PRKN: variants seen among roughly 807,000 people sequenced by gnomAD.
PRKN encodes E3 ubiquitin-protein ligase parkin.
In PRKN, 56 loss-of-function variants were observed where a neutral mutation model predicts 59.5. The observed-to-expected ratio is 0.94, with a 90% CI of 0.76 to 1.18. The LOEUF (loss-of-function observed/expected upper bound fraction) is 1.18. PRKN is among the 50% of genes most tolerant of loss of function. The pLI is 0.00. For missense variants in PRKN, 657 were observed against 596.4 expected, an observed-to-expected ratio of 1.10 and a Z score of -1.06; for synonymous variants, 250 against 222.1, an observed-to-expected ratio of 1.13 and a Z score of -1.12.
At chr6:161,954,903 CCTTT>C (rs1292478363) in intron 6 of PRKN, among the ~76,000 whole-genome samples, 1 of 152,160 alleles carries the variant, frequency 6.6e-6, no homozygotes, top group Non-Finnish European at 1.5e-5. Flanking sequence ...TTTCTTCCTT[CCTTT>C]ATCAAAATCC....
chr6:162,096,542 T>C (rs1779740560), intron 4 of PRKN, among the ~76,000 whole-genome samples: 1 of 152,186 alleles, frequency 6.6e-6, no homozygotes, highest in East Asian at 1.9e-4. Context: ...TTCCCACATG[T>C]TGTGGGAGGC....
intron 9 of PRKN, among the ~76,000 whole-genome samples, chr6:161,412,633 C>T (rs1787636835): frequency 6.6e-6 from 1 of 150,764 alleles, no homozygotes; most frequent in Admixed American, 6.6e-5. Context: ...CATTCCTCGG[C>T]TCACTCATTC....
chr6:162,591,789 GTAAGTAATAATAATCCTTTGTAA>G (rs1781317173), intron 1 of PRKN, among the ~76,000 whole-genome samples: 1 of 150,328 alleles, frequency 6.7e-6, no homozygotes, highest in African/African-American at 2.5e-5. Context: ...TGTGAAATAA[GTAAGTAATAATAATCCTTTGTAA>G]TAATAATAAT....
intron 6 of PRKN, among the ~76,000 whole-genome samples, chr6:161,807,084 A>C (rs78687966): frequency 5.2e-4 from 79 of 152,306 alleles, no homozygotes; most frequent in African/African-American, 1.8e-3. Context: ...AAATGATTTC[A>C]TGTTTTTCTC....
intron 1 of PRKN, among the ~76,000 whole-genome samples, chr6:162,634,811 A>G (rs1371899686): frequency 6.6e-6 from 1 of 152,124 alleles, no homozygotes; most frequent in East Asian, 1.9e-4. Context: ...TTTAGTAGAG[A>G]CGGGGTTTCA....
At chr6:161,614,431 G>A (rs1022226979) in intron 7 of PRKN, among the ~76,000 whole-genome samples, 5 of 152,176 alleles carry the variant, frequency 3.3e-5, no homozygotes, top group Non-Finnish European at 7.4e-5. Context: ...TTTAAACAAA[G>A]CTAGAAAAGG....
intron 9 of PRKN, among the ~76,000 whole-genome samples, chr6:161,455,325 C>T (rs1688936808): frequency 6.6e-6 from 1 of 152,122 alleles, no homozygotes; most frequent in Non-Finnish European, 1.5e-5. Flanking sequence ...ATGTGAGCCA[C>T]CACGCCCGGC....
At chr6:161,906,226 C>T (rs1469677802) in intron 6 of PRKN, among the ~76,000 whole-genome samples, 2 of 152,124 alleles carry the variant, frequency 1.3e-5, no homozygotes, top group African/African-American at 4.8e-5. Flanking sequence ...ATAATAATAT[C>T]ATGGTATATT....
intron 6 of PRKN, among the ~76,000 whole-genome samples, chr6:161,798,133 G>T (rs921289522): frequency 6.6e-6 from 1 of 152,138 alleles, no homozygotes; most frequent in African/African-American, 2.4e-5. Flanking sequence ...CTCAGGAGGC[G>T]GAGGTTGCAG....
Position 161,529,599 on chromosome 6 carries a change from TGGACGAA to T in PRKN, c.1083+19248_1083+19254del, listed in dbSNP as rs1251826512. Among the ~76,000 whole-genome samples, 1 of 152,236 alleles carries T rather than the reference TGGACGAA, an allele frequency of 6.6e-6. No homozygotes were observed. Among genetic ancestry groups the T allele is most frequent in the Non-Finnish European group, 1.5e-5 (1 of 68,048 alleles). On this transcript the variant is annotated intron_variant, in intron 9 of 11. Transcript: ENST00000366898. This position sits in a 1 kb window ranked among gnomAD's most constrained non-coding sequence, Gnocchi z 4.4. ...AATAAAACATCTAAACCTCCATATTTGGACGAAGTATAGTCTACTCATAGGATTACGG... is the reference window on the plus strand; with the variant it reads ...AATAAAACATCTAAACCTCCATATTTGTATAGTCTACTCATAGGATTACGG...
rs904536848 is a variant in PRKN, at chr6:161,360,186, C to T, written c.1187G>A (p.Arg396Lys). The T allele has an allele frequency of 6.2e-7, 1 of 1,613,612 alleles. No individual in the cohort carries two copies. Among genetic ancestry groups the T allele is most frequent in the Non-Finnish European group, 8.5e-7 (1 of 1,179,496 alleles). ...TTCCCAACGAGCCTGCTCGGCGGCTCTTTCATCGACTCTGTAGGCCTGGGG... is the reference window on the plus strand; with the variant it reads ...TTCCCAACGAGCCTGCTCGGCGGCTTTTTCATCGACTCTGTAGGCCTGGGG... ...TTTQAYRVDE[R>K]AAEQARWEAA... Residue 396 changes from arginine to lysine, a missense_variant, in exon 11 of 12, where the codon AGA becomes AAA. Transcript: ENST00000366898. The surrounding 1 kb of genome is among the most constrained non-coding windows in gnomAD (Gnocchi z 5.1).
At chr6:161,992,972 G>C (rs1432114129) in intron 5 of PRKN, among the ~76,000 whole-genome samples, 1 of 151,954 alleles carries the variant, frequency 6.6e-6, no homozygotes, top group African/African-American at 2.4e-5. Context: ...TAAGAGAAAA[G>C]TTTATAGCAA....
At chr6:162,380,475 A>G (rs796945722) in intron 2 of PRKN, among the ~76,000 whole-genome samples, 6 of 121,630 alleles carry the variant, frequency 4.9e-5, no homozygotes, top group South Asian at 2.9e-4. Flanking sequence ...ATATGTGTGT[A>G]TATATATGTA....
At chr6:161,687,420 A>G (rs1420451979) in intron 7 of PRKN, among the ~76,000 whole-genome samples, 2 of 140,568 alleles carry the variant, frequency 1.4e-5, no homozygotes, top group Non-Finnish European at 3.1e-5. Flanking sequence ...AAAAAAGAAT[A>G]CAACATTAAC....
intron 6 of PRKN, among the ~76,000 whole-genome samples, chr6:161,824,344 T>A (rs1792153969): frequency 6.6e-6 from 1 of 152,224 alleles, no homozygotes; most frequent in Admixed American, 6.5e-5. Context: ...AAACAGAAGT[T>A]CATTTTGGCC....
chr6:162,474,387 T>A (rs1434376923), intron 1 of PRKN, among the ~76,000 whole-genome samples: 1 of 152,206 alleles, frequency 6.6e-6, no homozygotes, highest in African/African-American at 2.4e-5. Context: ...TGAATGCTTT[T>A]TTTTAGAAAT....
intron 6 of PRKN, among the ~76,000 whole-genome samples, chr6:161,944,443 T>C (rs974115248): frequency 2.6e-5 from 4 of 151,596 alleles, no homozygotes; most frequent in Non-Finnish European, 5.9e-5. Flanking sequence ...TGTTGCCCCA[T>C]CACCATTTTT....
chr6:161,652,765 C>A (rs1161305519), intron 7 of PRKN, among the ~76,000 whole-genome samples: 2 of 152,110 alleles, frequency 1.3e-5, no homozygotes, highest in African/African-American at 4.8e-5. Context: ...TTATTGCATG[C>A]TAGAATACAA....
intron 10 of PRKN, among the ~76,000 whole-genome samples, chr6:161,370,591 C>CAAAAAAAAAAAAAAAAA (rs560655971): frequency 3.6e-4 from 21 of 57,816 alleles, no homozygotes; most frequent in African/African-American, 9.3e-4. Flanking sequence ...GACTCTGTGT[C>CAAAAAAAAAAAAAAAAA]AAAAAAAAAA....
Sources: allele counts gnomAD v4.1 joint callset (sites outside exome capture counted in the v4.1 genomes callset), GRCh38; gene constraint gnomAD v4.1.1; non-coding constraint Gnocchi (gnomAD v3.1); transcripts MANE v1.5; gene names NCBI Gene and HGNC (gene_info 2026-07-23, HGNC 2026-07-21).